Variants in DNAH10 observed in about 807,000 individuals in gnomAD.
DNAH10 encodes axonemal beta dynein heavy chain 10.
In DNAH10, 348 loss-of-function variants were observed where a neutral mutation model predicts 506.6. The observed-to-expected ratio is 0.69, with a 90% confidence interval of 0.63 to 0.75. DNAH10 has a LOEUF of 0.75. DNAH10 is among the 30% of genes least tolerant of loss of function. The pLI is 0.00. For synonymous variants in DNAH10, 2,059 were observed against 2,198.6 expected (o/e 0.94, Z 1.78); for missense variants, 5,179 against 5,787.1 (o/e 0.89, Z 3.41).
Position 123,875,405 on chromosome 12 carries a change from TCG to T in DNAH10, c.8115_8116del (p.Leu2706IlefsTer31). The T allele has an allele frequency of 1.2e-6, 2 of 1,614,028 alleles. No individual in the cohort carries two copies. The highest frequency in any genetic ancestry group is 1.7e-6 in the Non-Finnish European group (2 of 1,179,910). On this transcript the variant is annotated frameshift_variant, in exon 47 of 79. Coordinates refer to ENST00000673944, the MANE Select transcript of DNAH10 (RefSeq NM_001372106.1). LOFTEE classifies it high-confidence loss of function. ...GRNEVDPRFI[S>X]LFSVFNVPFP... ...CAATGAAGTTGACCCAAGATTTATT[TCG>T]CTATTCAGTGTCTTCAATGTGCCAT... is the stretch of plus-strand genomic sequence containing the variant.
At position 123,820,776 on chromosome 12, in the gene DNAH10, A is replaced by G. The variant is rs971659004; in HGVS notation, c.4179+18A>G. On this transcript the variant is annotated intron_variant, in intron 24 of 78. Coordinates refer to ENST00000673944, the MANE Select transcript of DNAH10 (RefSeq NM_001372106.1). The stretch of plus-strand genomic sequence containing the variant: ...GACTAAAGGTGAGCATCTCCCTGAA[A>G]GCGAAGGACTCAGGCTCACTGAAGG... 9.9e-6 allele frequency: 16 copies of G among 1,613,048 alleles called. No individual in the cohort carries two copies. Among genetic ancestry groups the G allele is most frequent in the Non-Finnish European group, 1.2e-5 (14 of 1,179,346 alleles).
rs981597858 is a variant in DNAH10 at position 123,879,893 on chromosome 12, A to G, written c.8634+92A>G. On this transcript the variant is annotated intron_variant, in intron 50 of 78. Coordinates refer to ENST00000673944, the MANE Select transcript of DNAH10 (RefSeq NM_001372106.1). ...GCATCGCGCGGGTGCCCGGGAGCCT[A>G]TCACCTGGGGCTCTGTCTGAGGGCT... 4.1e-6 allele frequency: 6 copies of G among 1,448,466 alleles called. No individual in the cohort carries two copies. In the East Asian group the frequency reaches 1.4e-4, roughly 33 times the overall value. 89.7% of individuals were successfully genotyped at this position (1,448,466 alleles called of 1,614,324 possible).
rs781363142 is a variant in DNAH10, at chr12:123,804,954, C to A, written c.2901C>A (p.Thr967=). 6.2e-7 allele frequency: 1 copy of A among 1,614,172 alleles called. No individual in the cohort carries two copies. The highest frequency in any genetic ancestry group is 1.7e-5 in the Admixed American group (1 of 60,018). ...AAGTTGAGGGCCTGGTCGTCCACAC[C>A]AACACAGGCAAGGCCCCCAAGCTGG... ...LTKVEGLVVH[T]NTGKAPKLAS... The change falls in exon 18 of 79, where the codon ACC becomes ACA. Residue 967 remains threonine, a synonymous_variant. Transcript: ENST00000673944.
At chr12:123,798,491 C>T (rs912134356) in intron 13 of DNAH10, among the ~76,000 whole-genome samples, 1 of 152,128 alleles carries the variant, frequency 6.6e-6, no homozygotes, top group Non-Finnish European at 1.5e-5. Flanking sequence ...GTGGTGCAAA[C>T]CATTCACGAG....
In DNAH10 at chr12:123,851,045, T is replaced by G. The variant is rs748800828; in HGVS notation, c.6260T>G (p.Met2087Arg). 6.2e-7 allele frequency: 1 copy of G among 1,611,758 alleles called. No individual in the cohort carries two copies. The highest frequency in any genetic ancestry group is 1.1e-5 in the South Asian group (1 of 90,866). The change falls in exon 35 of 79, where the codon ATG (methionine) becomes AGG (arginine). Residue 2087 changes from methionine (M) to arginine (R), a missense_variant. Around this residue, in one of 3 missense-constraint regions of DNAH10, gnomAD observed 4,844 missense variants for 5,430.5 expected, o/e 0.89. Transcript: ENST00000673944. ...VPDLQQICEI[M>R]LFSEGFLEAK... ...GACCTGCAGCAGATCTGTGAGATCA[T>G]GCTCTTCTCTGAGGGCTTCCTGGAG...
intron 13 of DNAH10, among the ~76,000 whole-genome samples, chr12:123,797,210 C>G (rs781078588): frequency 1.3e-5 from 2 of 152,070 alleles, no homozygotes; most frequent in Non-Finnish European, 2.9e-5. Flanking sequence ...CTGCCCTCCC[C>G]GATCCCATCC....
intron 40 of DNAH10, 106 bp from the exon 41 acceptor site, chr12:123,865,845 T>C (rs1020504061): frequency 2.1e-5 from 25 of 1,173,182 alleles, no homozygotes; most frequent in Non-Finnish European, 2.7e-5. Flanking sequence ...TTGGTATTAT[T>C]TGGATTTCAT....
intron 11 of DNAH10, 88 bp downstream of exon 11, chr12:123,790,209 G>GT: frequency 8.2e-7 from 1 of 1,219,376 alleles, no homozygotes; most frequent in Admixed American, 3.0e-5. Context: ...GTGATGCTTA[G>GT]TCTTTTTTTT....
chr12:123,813,659 T>C lies in DNAH10; in HGVS notation c.3621+19T>C. 6.2e-7 allele frequency: 1 copy of C among 1,613,040 alleles called. No individual in the cohort carries two copies. Among genetic ancestry groups the C allele is most frequent in the Non-Finnish European group, 8.5e-7 (1 of 1,179,484 alleles). On this transcript the variant is annotated intron_variant, in intron 20 of 78. Transcript: ENST00000673944. ...GATGGAGGTACTCAATCGCTGTGTG[T>C]AATTGAAACTACTTTTCGTGTAAGT... is the stretch of plus-strand genomic sequence containing the variant.
rs1950945911 is a variant in DNAH10 at position 123,846,204 on chromosome 12, A to G, written c.5814+50A>G. On this transcript the variant is annotated intron_variant, in intron 32 of 78. Transcript: ENST00000673944. This position sits in a 1 kb window ranked among gnomAD's most constrained non-coding sequence, Gnocchi z 4.5. ...GTTACCACTTACCTTGGGGCGGGGC[A>G]TTTTCTCTAAGCTTGAGGTGTGATG... 1 of 1,568,334 alleles carries G rather than the reference A, an allele frequency of 6.4e-7. No homozygotes were observed. The highest frequency in any genetic ancestry group is 1.4e-5 in the African/African-American group (1 of 73,760).
chr12:123,820,636 C>G lies in DNAH10; in HGVS notation c.4057C>G (p.Gln1353Glu). Residue 1353 changes from glutamine (Q) to glutamate (E), a missense_variant, in exon 24 of 79, where the codon CAG becomes GAG. Physicochemically the swap from Gln to Glu is conservative, Grantham distance 29. This residue lies in a region of DNAH10 where 4,844 missense variants were observed against 5,430.5 expected (regional missense o/e 0.89). Coordinates refer to ENST00000673944, the MANE Select transcript of DNAH10 (RefSeq NM_001372106.1). ...GCTGGCAAGACATGAAAAGAGCCGTCAGGAACTGGCTAACGCTGAGAAACT... is the reference window on the plus strand; with the variant it reads ...GCTGGCAAGACATGAAAAGAGCCGTGAGGAACTGGCTAACGCTGAGAAACT... ...RELARHEKSR[Q>E]ELANAEKLFD... 6.2e-7 allele frequency: 1 copy of G among 1,613,980 alleles called. No individual in the cohort carries two copies. The highest frequency in any genetic ancestry group is 8.5e-7 in the Non-Finnish European group (1 of 1,179,894).
chr12:123,902,827 T>A lies in DNAH10; in HGVS notation c.9641-112T>A. ...GCCACATTGGCCAGAGCCCCTTAGA[T>A]CCCCGCTAGGGCTCAAGCCAACCTT... On this transcript the variant is annotated intron_variant, in intron 56 of 78. Coordinates refer to ENST00000673944, the MANE Select transcript of DNAH10 (RefSeq NM_001372106.1). This position sits in a 1 kb window ranked among gnomAD's most constrained non-coding sequence, Gnocchi z 4.5. 1 of 1,348,280 alleles carries A rather than the reference T, an allele frequency of 7.4e-7. No individual in the cohort carries two copies. The highest frequency in any genetic ancestry group is 9.9e-7 in the Non-Finnish European group (1 of 1,010,324). The allele number at this position is 1,348,280 out of a possible 1,614,324, so 83.5% of individuals were successfully genotyped here. A position where few individuals can be genotyped will look rare whatever the true frequency, so the allele number is the denominator to read the frequency against.
At chr12:123,806,944 A>T (rs1594074663) in intron 18 of DNAH10, among the ~76,000 whole-genome samples, 2 of 151,868 alleles carry the variant, frequency 1.3e-5, no homozygotes, top group East Asian at 1.9e-4. Flanking sequence ...ATTCTTTTGT[A>T]TTTTTAGTAG....
chr12:123,775,585 A>G (rs1957409792), intron 5 of DNAH10, among the ~76,000 whole-genome samples: 1 of 152,148 alleles, frequency 6.6e-6, no homozygotes, highest in Non-Finnish European at 1.5e-5. Context: ...GGGCAGAGAG[A>G]ACAGCAGGTG....
chr12:123,813,803 A>AG lies in DNAH10; in HGVS notation c.3672dup (p.Phe1225ValfsTer10), dbSNP rs1959038294. ...ATCCCCAATACCCTTGAAGATCTCA[A>AG]GTTTGTCCTTGCAACAATTGCAGAA... On this transcript the variant is annotated frameshift_variant, in exon 21 of 79. Coordinates refer to ENST00000673944, the MANE Select transcript of DNAH10 (RefSeq NM_001372106.1). LOFTEE classifies it high-confidence loss of function. 6.2e-7 allele frequency: 1 copy of AG among 1,612,972 alleles called. No individual in the cohort carries two copies. The highest frequency in any genetic ancestry group is 2.2e-5 in the East Asian group (1 of 44,896).
At chr12:123,910,789 T>C (rs1033200258) in intron 59 of DNAH10, 117 bp downstream of exon 59, 22 of 1,350,190 alleles carry the variant, frequency 1.6e-5, no homozygotes, top group South Asian at 9.0e-5. Flanking sequence ...TCAAGCTGCA[T>C]AAACTTTCCC....
rs1566107321 is a variant in DNAH10, at chr12:123,921,690, A to ATTTT, written c.11507-2073_11507-2072insTTTT. 5.8e-4 allele frequency among the ~76,000 whole-genome samples: 57 copies of ATTTT among 98,266 alleles called. 2 individuals are homozygous for ATTTT. The highest frequency in any genetic ancestry group is 2.3e-3 in the African/African-American group (57 of 25,094). 64.5% of individuals were successfully genotyped at this position (98,266 alleles called of 152,430 possible). Reference sequence around the variant, plus strand: ...ACTTGTCCATCTGTCTGTAGCTTGCAGTTTTTTTTTTTTTTTTTTTTTTTT... The same window carrying ATTTT: ...ACTTGTCCATCTGTCTGTAGCTTGCATTTTGTTTTTTTTTTTTTTTTTTTTTTTT... On this transcript the variant is annotated intron_variant, in intron 65 of 78. Transcript: ENST00000673944.
At chr12:123,914,828 T>C in intron 61 of DNAH10, 24 bp from the exon 62 acceptor site, 1 of 1,610,346 alleles carries the variant, frequency 6.2e-7, no homozygotes, top group Non-Finnish European at 8.5e-7. Flanking sequence ...GAAAAATTCA[T>C]TTCCCAATGG....
intron 14 of DNAH10, among the ~76,000 whole-genome samples, chr12:123,799,943 A>G (rs1179791584): frequency 5.3e-5 from 8 of 152,186 alleles, no homozygotes; most frequent in African/African-American, 1.7e-4. Context: ...CAAAGAGGCA[A>G]CTGCTCCATG....
Sources: allele counts gnomAD v4.1 joint callset (sites outside exome capture counted in the v4.1 genomes callset), GRCh38; gene constraint gnomAD v4.1.1; regional missense constraint gnomAD v4.1.1; non-coding constraint Gnocchi (gnomAD v3.1); transcripts MANE v1.5; gene names NCBI Gene and HGNC (gene_info 2026-07-23, HGNC 2026-07-21).